Variants in ZNF804B observed in about 807,000 individuals in gnomAD.
ZNF804B encodes zinc finger 804B.
In ZNF804B, 80 loss-of-function variants were observed where a neutral mutation model predicts 101.4. That is an observed-to-expected ratio of 0.79 (90% CI 0.66 to 0.95). The LOEUF is 0.95. Among genes scored for constraint, ZNF804B ranks in the 40% least tolerant of loss-of-function variants. The pLI, the probability that ZNF804B is intolerant of heterozygous loss-of-function variation, is 0.00. For synonymous variants in ZNF804B, 622 were observed against 558.8 expected, an observed-to-expected ratio of 1.11 and a Z score of -1.59; for missense variants, 1,673 against 1,561.9, an observed-to-expected ratio of 1.07 and a Z score of -1.20.
intron 1 of ZNF804B, among the ~76,000 whole-genome samples, chr7:89,127,619 C>T (rs567650045): frequency 2.0e-4 from 31 of 151,586 alleles, no homozygotes; most frequent in South Asian, 1.9e-3. Context: ...AAAATGTAAG[C>T]GCAGATAACA....
intron 1 of ZNF804B, among the ~76,000 whole-genome samples, chr7:89,197,911 G>T (rs1788579453): frequency 6.6e-6 from 1 of 151,708 alleles, no homozygotes; most frequent in Non-Finnish European, 1.5e-5. Context: ...TAGCAAATTG[G>T]ATGCTTAGAC....
At chr7:88,963,881 T>A (rs1470356930) in intron 1 of ZNF804B, among the ~76,000 whole-genome samples, 1 of 151,344 alleles carries the variant, frequency 6.6e-6, no homozygotes, top group African/African-American at 2.4e-5. Flanking sequence ...AATACACTTT[T>A]CTCTAAAAAA....
chr7:89,150,463 C>G (rs7792500), intron 1 of ZNF804B, among the ~76,000 whole-genome samples: 54,296 of 151,842 alleles, frequency 0.36, 9,767 homozygotes, highest in Middle Eastern at 0.49. Context: ...AAAGCATGGG[C>G]CTGGGAATTT....
At chr7:88,972,659 G>T (rs1793554865) in intron 1 of ZNF804B, among the ~76,000 whole-genome samples, 1 of 151,144 alleles carries the variant, frequency 6.6e-6, no homozygotes, top group Non-Finnish European at 1.5e-5. Flanking sequence ...CTTTCAGATT[G>T]AAATTTTTAT....
intron 1 of ZNF804B, among the ~76,000 whole-genome samples, chr7:89,195,087 A>G (rs1424057854): frequency 6.6e-6 from 1 of 151,652 alleles, no homozygotes; most frequent in Non-Finnish European, 1.5e-5. Context: ...AAAGACAAAA[A>G]CCACATGATT....
chr7:89,152,907 G>T (rs796548695), intron 1 of ZNF804B, among the ~76,000 whole-genome samples: 20 of 152,178 alleles, frequency 1.3e-4, no homozygotes, highest in African/African-American at 4.1e-4. Context: ...GTTCTGATTG[G>T]CCTTTGCCCC....
intron 1 of ZNF804B, among the ~76,000 whole-genome samples, chr7:89,160,996 G>T (rs1034994639): frequency 1.3e-5 from 2 of 152,112 alleles, no homozygotes; most frequent in Admixed American, 6.6e-5. Flanking sequence ...AGTCTCTTGT[G>T]CCCCTTGGAG....
At chr7:89,025,266 T>C (rs1788731958) in intron 1 of ZNF804B, among the ~76,000 whole-genome samples, 1 of 152,088 alleles carries the variant, frequency 6.6e-6, no homozygotes, top group Admixed American at 6.6e-5. Context: ...GTGGATACTG[T>C]AATTATTGAA....
chr7:89,261,857 T>C (rs1269718535), intron 2 of ZNF804B, among the ~76,000 whole-genome samples: 1 of 152,184 alleles, frequency 6.6e-6, no homozygotes, highest in East Asian at 1.9e-4. Flanking sequence ...ACTGAAACAT[T>C]GTTATGCAGT....
chr7:89,020,959 T>C (rs1788657549), intron 1 of ZNF804B, among the ~76,000 whole-genome samples: 1 of 152,224 alleles, frequency 6.6e-6, no homozygotes, highest in Non-Finnish European at 1.5e-5. Context: ...ATTTCATCTA[T>C]ATCCTGATGA....
intron 1 of ZNF804B, among the ~76,000 whole-genome samples, chr7:88,970,121 A>G (rs1005675225): frequency 2.7e-5 from 4 of 150,804 alleles, no homozygotes; most frequent in Non-Finnish European, 5.9e-5. Context: ...TCCCCAAAGC[A>G]GTAATTGTGC....
intron 1 of ZNF804B, among the ~76,000 whole-genome samples, chr7:89,088,960 A>G (rs976754417): frequency 2.0e-5 from 3 of 151,562 alleles, no homozygotes; most frequent in Non-Finnish European, 2.9e-5. Context: ...TATATTTGCT[A>G]TTCCACCTCC....
intron 2 of ZNF804B, among the ~76,000 whole-genome samples, chr7:89,277,417 C>A (rs528933933): frequency 1.5e-5 from 2 of 137,242 alleles, no homozygotes; most frequent in African/African-American, 5.5e-5. Flanking sequence ...CATGCTGGTG[C>A]GCTGCACCCA....
At chr7:89,072,315 A>G (rs1351234021) in intron 1 of ZNF804B, among the ~76,000 whole-genome samples, 1 of 152,108 alleles carries the variant, frequency 6.6e-6, no homozygotes, top group Non-Finnish European at 1.5e-5. Context: ...GCCACTTGAA[A>G]CTGTAGGAAT....
intron 1 of ZNF804B, among the ~76,000 whole-genome samples, chr7:88,784,539 A>G (rs539493644): frequency 1.1e-4 from 17 of 152,262 alleles, no homozygotes; most frequent in Admixed American, 8.5e-4. Context: ...AAACCAGAAT[A>G]AAGAGGTGAT....
intron 1 of ZNF804B, among the ~76,000 whole-genome samples, chr7:88,804,463 A>C (rs1409082684): frequency 6.6e-6 from 1 of 152,118 alleles, no homozygotes. Context: ...ATATAACACT[A>C]AACTCTCAGT....
At chr7:89,212,252 TACACACACACACAC>T (rs67535390) in intron 1 of ZNF804B, among the ~76,000 whole-genome samples, 4 of 87,096 alleles carry the variant, frequency 4.6e-5, no homozygotes, top group Admixed American at 2.1e-4. Flanking sequence ...CATTCAGTGA[TACACACACACACAC>T]ACACACACAC....
chr7:89,242,123 A>G (rs117525394), intron 2 of ZNF804B, among the ~76,000 whole-genome samples: 2,476 of 152,024 alleles, frequency 0.016, 31 homozygotes, highest in Non-Finnish European at 0.024. Context: ...TAACTTATTT[A>G]TCTCATTAGC....
chr7:89,334,970 T>C lies in ZNF804B; in HGVS notation c.1988T>C (p.Val663Ala). The C allele has an allele frequency of 6.2e-7, 1 of 1,613,832 alleles. No individual in the cohort carries two copies. The highest frequency in any genetic ancestry group is 8.5e-7 in the Non-Finnish European group (1 of 1,179,876). The stretch of plus-strand genomic sequence containing the variant: ...AACTGCAAGTCCAGTCCTTGTACAG[T>C]AGGGGGTCACAGTGACCATGGGAAA... ...QFNCKSSPCT[V>A]GGHSDHGKDF... Residue 663 changes from valine (V) to alanine (A), a missense_variant, in exon 4 of 4, where the codon GTA becomes GCA. Transcript: ENST00000333190.
Sources: allele counts gnomAD v4.1 joint callset (sites outside exome capture counted in the v4.1 genomes callset), GRCh38; gene constraint gnomAD v4.1.1; transcripts MANE v1.5; gene names NCBI Gene and HGNC (gene_info 2026-07-23, HGNC 2026-07-21).